ATRNL1: variants seen among roughly 807,000 people sequenced by gnomAD.
ATRNL1 encodes attractin like 1.
A neutral mutation model predicts 182.7 loss-of-function variants in ATRNL1; 95 were observed. The observed-to-expected ratio is 0.52, with a 90% confidence interval of 0.44 to 0.62. ATRNL1 has a LOEUF of 0.62. ATRNL1 is among the 20% of genes least tolerant of loss of function. ATRNL1 has a pLI of 0.00. For missense variants in ATRNL1, 1,471 were observed against 1,679.5 expected, an observed-to-expected ratio of 0.88 and a Z score of 2.17; for synonymous variants, 576 against 568.3, an observed-to-expected ratio of 1.01 and a Z score of -0.19.
chr10:115,533,863 C>T (rs1325940485), intron 25 of ATRNL1, among the ~76,000 whole-genome samples: 2 of 150,494 alleles, frequency 1.3e-5, no homozygotes, highest in Non-Finnish European at 3.0e-5. Context: ...CGTTATGTAC[C>T]CAGTAGTCAT....
chr10:115,593,713 A>G (rs1379311139), intron 26 of ATRNL1, among the ~76,000 whole-genome samples: 1 of 152,240 alleles, frequency 6.6e-6, no homozygotes, highest in Non-Finnish European at 1.5e-5. Context: ...TTTTAATGAT[A>G]TAATTGAACA....
intron 10 of ATRNL1, among the ~76,000 whole-genome samples, chr10:115,258,991 C>CT (rs1185781579): frequency 1.3e-5 from 2 of 152,194 alleles, no homozygotes; most frequent in African/African-American, 2.4e-5. Context: ...CCTCTGGAAG[C>CT]TTCATCCCAA....
intron 25 of ATRNL1, among the ~76,000 whole-genome samples, chr10:115,535,862 C>G (rs1851955668): frequency 6.6e-6 from 1 of 151,924 alleles, no homozygotes; most frequent in South Asian, 2.1e-4. Flanking sequence ...TTGGAGTTTG[C>G]TAGAGGTCCA....
chr10:115,681,592 G>C (rs1467714812), intron 26 of ATRNL1, among the ~76,000 whole-genome samples: 1 of 152,024 alleles, frequency 6.6e-6, no homozygotes, highest in African/African-American at 2.4e-5. Flanking sequence ...GTTTTTATTA[G>C]ATCATCAAAT....
chr10:115,350,674 T>C (rs892608589), intron 19 of ATRNL1, among the ~76,000 whole-genome samples: 4 of 152,182 alleles, frequency 2.6e-5, no homozygotes, highest in Non-Finnish European at 5.9e-5. Context: ...TGTATAGCTG[T>C]ATACCATAAT....
chr10:115,254,818 T>C (rs1263798066), intron 10 of ATRNL1, among the ~76,000 whole-genome samples: 8 of 152,128 alleles, frequency 5.3e-5, no homozygotes, highest in African/African-American at 1.9e-4. Context: ...TTGTATAAGG[T>C]GTAAGGAAGG....
intron 2 of ATRNL1, 88 bp from the exon 3 acceptor site, chr10:115,121,611 T>C: frequency 4.4e-6 from 2 of 450,224 alleles, no homozygotes; most frequent in Admixed American, 4.1e-5. Flanking sequence ...CACTCTGTGC[T>C]TTGTATATTA....
intron 19 of ATRNL1, among the ~76,000 whole-genome samples, chr10:115,383,395 G>A (rs916059435): frequency 5.9e-5 from 9 of 151,756 alleles, no homozygotes; most frequent in Non-Finnish European, 1.0e-4. Context: ...TTGTGGGTCT[G>A]TATGGTTTGT....
chr10:115,893,032 A>G (rs72832827), intron 28 of ATRNL1, among the ~76,000 whole-genome samples: 3,126 of 152,346 alleles, frequency 0.021, 55 homozygotes, highest in Non-Finnish European at 0.03. Context: ...ATTTCCATAA[A>G]CAGACTATGC....
At chr10:115,190,168 G>A (rs1410697671) in intron 8 of ATRNL1, among the ~76,000 whole-genome samples, 1 of 152,078 alleles carries the variant, frequency 6.6e-6, no homozygotes, top group African/African-American at 2.4e-5. Flanking sequence ...TTCTCAGAAT[G>A]TATCCTCATT....
intron 27 of ATRNL1, among the ~76,000 whole-genome samples, chr10:115,729,555 T>G (rs1165008046): frequency 1.3e-5 from 2 of 150,822 alleles, no homozygotes; most frequent in Non-Finnish European, 3.0e-5. Context: ...GCCTTGCTTC[T>G]TTTTGTTTTT....
intron 8 of ATRNL1, among the ~76,000 whole-genome samples, chr10:115,203,518 G>A (rs577467936): frequency 6.0e-5 from 9 of 150,486 alleles, no homozygotes; most frequent in East Asian, 3.9e-4. Context: ...CTTCTTGAGC[G>A]TTTAGTTTAC....
intron 26 of ATRNL1, among the ~76,000 whole-genome samples, chr10:115,676,775 C>T (rs566359843): frequency 5.9e-5 from 9 of 151,762 alleles, no homozygotes; most frequent in South Asian, 4.2e-4. Flanking sequence ...TGGAGAAAGA[C>T]GGACAGGAAA....
chr10:115,119,347 T>C (rs1262021908), intron 1 of ATRNL1, among the ~76,000 whole-genome samples: 1 of 152,024 alleles, frequency 6.6e-6, no homozygotes, highest in Non-Finnish European at 1.5e-5. Flanking sequence ...TGTATATGTG[T>C]GTGTGTGTAT....
chr10:115,621,311 A>T (rs200277635), intron 26 of ATRNL1, among the ~76,000 whole-genome samples: 31 of 93,124 alleles, frequency 3.3e-4, no homozygotes, highest in South Asian at 1.4e-3. Flanking sequence ...AGAGAGAGAG[A>T]GAGTGTGTGA....
chr10:115,803,083 A>T (rs1949835347), intron 27 of ATRNL1, among the ~76,000 whole-genome samples: 1 of 152,348 alleles, frequency 6.6e-6, no homozygotes, highest in South Asian at 2.1e-4. Flanking sequence ...AATAAAAGCC[A>T]CACAGCCAGT....
At chr10:115,540,722 A>G (rs1339574846) in intron 25 of ATRNL1, among the ~76,000 whole-genome samples, 2 of 148,712 alleles carry the variant, frequency 1.3e-5, no homozygotes, top group Non-Finnish European at 3.0e-5. Context: ...ATGCCATTGC[A>G]CTCCAGCCTG....
chr10:115,187,105 GAC>G (rs1554888880), intron 8 of ATRNL1, among the ~76,000 whole-genome samples: 2 of 151,208 alleles, frequency 1.3e-5, no homozygotes, highest in Admixed American at 6.6e-5. Flanking sequence ...CTGTAAAAAA[GAC>G]AAAAGATAAC....
At chr10:115,668,322 C>T (rs1555040350) in intron 26 of ATRNL1, among the ~76,000 whole-genome samples, 1 of 152,108 alleles carries the variant, frequency 6.6e-6, no homozygotes, top group Non-Finnish European at 1.5e-5. Flanking sequence ...CTGCTTGATC[C>T]TGTTTCATCT....
Sources: allele counts gnomAD v4.1 joint callset (sites outside exome capture counted in the v4.1 genomes callset), GRCh38; gene constraint gnomAD v4.1.1; transcripts MANE v1.5; gene names NCBI Gene and HGNC (gene_info 2026-07-23, HGNC 2026-07-21).